TMEM141: variants seen among roughly 807,000 people sequenced by gnomAD.
TMEM141 encodes the protein transmembrane protein 141.
Under a neutral mutation model 15.9 loss-of-function variants are expected in TMEM141, and 18 were observed. The ratio of observed to expected loss-of-function variants is 1.13; its 90% confidence interval spans 0.78 to 1.68. The LOEUF (loss-of-function observed/expected upper bound fraction) is 1.68. TMEM141 is among the 40% of genes most tolerant of loss of function. TMEM141 has a pLI of 0.00. For synonymous variants in TMEM141, 69 were observed against 54.0 expected, an observed-to-expected ratio of 1.28 and a Z score of -1.22; for missense variants, 161 against 139.5, an observed-to-expected ratio of 1.15 and a Z score of -0.78.
rs763909031 is a variant in TMEM141 at position 136,792,286 on chromosome 9, G to C, written c.241G>C (p.Val81Leu). Reference sequence around the variant, plus strand: ...TGTGGTCAGCTACGGGGTGACGAGAGTGGAGTCGGAGAAATGCAACAACCT... The same window carrying C: ...TGTGGTCAGCTACGGGGTGACGAGACTGGAGTCGGAGAAATGCAACAACCT... ...GSVVSYGVTR[V>L]ESEKCNNLWL... Residue 81 changes from valine (V) to leucine (L), a missense_variant, in exon 4 of 5, where the codon GTG (valine) becomes CTG (leucine). Transcript: ENST00000290079. 1 of 1,589,614 alleles carries C rather than the reference G, an allele frequency of 6.3e-7. No individual in the cohort carries two copies. Among genetic ancestry groups the C allele is most frequent in the Non-Finnish European group, 8.6e-7 (1 of 1,167,558 alleles).
chr9:136,791,635 G>GT, intron 1 of TMEM141, 76 bp from the exon 2 acceptor site: 2 of 1,592,158 alleles, frequency 1.3e-6, no homozygotes, highest in South Asian at 2.3e-5. Flanking sequence ...GCCAGGGTGT[G>GT]CCCAGAGGAG....
chr9:136,792,565 A>T (rs537202626), intron 4 of TMEM141, among the ~76,000 whole-genome samples: 1 of 152,302 alleles, frequency 6.6e-6, no homozygotes, highest in East Asian at 1.9e-4. Flanking sequence ...GAGGAGAAAG[A>T]ACCAAGAGGG....
chr9:136,791,839 T>C, intron 2 of TMEM141, 62 bp downstream of exon 2: 2 of 1,605,282 alleles, frequency 1.2e-6, no homozygotes. Flanking sequence ...CTGCCCTGAC[T>C]CCCCAGCAGG....
In TMEM141 at chr9:136,793,001, C is replaced by T. The variant is rs1847606577; in HGVS notation, c.*169C>T. 2.2e-6 allele frequency: 2 copies of T among 909,488 alleles called. No homozygotes were observed. Among genetic ancestry groups the T allele is most frequent in the Non-Finnish European group, 1.4e-6 (1 of 706,252 alleles). 56.3% of individuals were successfully genotyped at this position (909,488 alleles called of 1,614,324 possible). On this transcript the variant is annotated 3_prime_UTR_variant, in exon 5 of 5. Coordinates refer to ENST00000290079, the MANE Select transcript of TMEM141 (RefSeq NM_032928.4). ...CAAACACCTGCAGATGGCTGCTGCC[C>T]CAACCTGGGACCTGCCCAGGAGGTT...
In TMEM141 at chr9:136,791,418, G is replaced by A. The variant is rs752228450; in HGVS notation, c.48G>A (p.Lys16=). 2.3e-5 allele frequency: 36 copies of A among 1,558,140 alleles called. No homozygotes were observed. The highest frequency in any genetic ancestry group is 1.7e-4 in the Middle Eastern group (1 of 6,022). Residue 16 remains lysine, a synonymous_variant, in exon 1 of 5, where the codon AAG becomes AAA. Transcript: ENST00000290079. ...GGGTGGACGACGCCGTGGCTGCCAA[G>A]CACCCGGTGAGAAGGCCGGTCTGGG... ...LSRVDDAVAA[K]HPGLGEYAAC...
At chr9:136,792,788 G>A in intron 4 of TMEM141, 31 bp from the exon 5 acceptor site, 4 of 1,528,704 alleles carry the variant, frequency 2.6e-6, no homozygotes, top group Non-Finnish European at 3.5e-6. Context: ...GATGGATGTG[G>A]TTCGAGCTTG....
At chr9:136,792,226 C>G in intron 3 of TMEM141, 25 bp from the exon 4 acceptor site, 1 of 1,545,062 alleles carries the variant, frequency 6.5e-7, no homozygotes, top group East Asian at 2.4e-5. Context: ...GAGGCCCCAG[C>G]CCTCTTCCAT....
chr9:136,791,386 C>G lies in TMEM141; in HGVS notation c.16C>G (p.Leu6Val). Residue 6 changes from leucine (L) to valine (V), a missense_variant, in exon 1 of 5, where the codon CTG (leucine) becomes GTG (valine). Physicochemically the swap from Leu to Val is conservative, Grantham distance 32. Transcript: ENST00000290079. ...CCTGCCAACCATGGTGAACTTGGGT[C>G]TGTCCCGGGTGGACGACGCCGTGGC... Reference protein sequence around the residue: MVNLGLSRVDDAVAAK... With the variant: MVNLGVSRVDDAVAAK... 6.4e-7 allele frequency: 1 copy of G among 1,561,586 alleles called. No individual in the cohort carries two copies. The highest frequency in any genetic ancestry group is 8.7e-7 in the Non-Finnish European group (1 of 1,153,264).
Position 136,792,233 on chromosome 9 carries a change from C to A in TMEM141, c.206-18C>A. On this transcript the variant is annotated intron_variant, in intron 3 of 4. Transcript: ENST00000290079. ...GAAGCACAGAGGCCCCAGCCCTCTTCCATTTCCTGCTCCACAGTTGCAGGC... is the reference window on the plus strand; with the variant it reads ...GAAGCACAGAGGCCCCAGCCCTCTTACATTTCCTGCTCCACAGTTGCAGGC... 1 of 1,563,768 alleles carries A rather than the reference C, an allele frequency of 6.4e-7. No individual in the cohort carries two copies. The highest frequency in any genetic ancestry group is 8.7e-7 in the Non-Finnish European group (1 of 1,152,880).
intron 4 of TMEM141, 127 bp downstream of exon 4, chr9:136,792,485 C>T (rs1433757212): frequency 2.6e-5 from 20 of 759,938 alleles, no homozygotes; most frequent in Non-Finnish European, 4.3e-5. Context: ...CCGGCCTCCT[C>T]AGCATGTGAC....
At position 136,791,416 on chromosome 9, in the gene TMEM141, A is replaced by G. The variant is rs779346393; in HGVS notation, c.46A>G (p.Lys16Glu). 1.3e-6 allele frequency: 2 copies of G among 1,558,540 alleles called. No individual in the cohort carries two copies. The highest frequency in any genetic ancestry group is 2.4e-5 in the South Asian group (2 of 85,002). The change falls in exon 1 of 5, where the codon AAG becomes GAG. Residue 16 changes from lysine (K) to glutamate (E), a missense_variant. Transcript: ENST00000290079. Reference sequence around the variant, plus strand: ...CCGGGTGGACGACGCCGTGGCTGCCAAGCACCCGGTGAGAAGGCCGGTCTG... The same window carrying G: ...CCGGGTGGACGACGCCGTGGCTGCCGAGCACCCGGTGAGAAGGCCGGTCTG... Reference protein sequence around the residue: ...LSRVDDAVAAKHPGLGEYAAC... With the variant: ...LSRVDDAVAAEHPGLGEYAAC...
At position 136,792,936 on chromosome 9, in the gene TMEM141, C is replaced by T. The variant is rs1433554978; in HGVS notation, c.*104C>T. On this transcript the variant is annotated 3_prime_UTR_variant, in exon 5 of 5. Coordinates refer to ENST00000290079, the MANE Select transcript of TMEM141 (RefSeq NM_032928.4). Reference sequence around the variant, plus strand: ...CGACCCTCCCCACACCCTAGGGTACCCCAGTCGTATCCTCTGTCCGCATGT... The same window carrying T: ...CGACCCTCCCCACACCCTAGGGTACTCCAGTCGTATCCTCTGTCCGCATGT... 1 of 1,373,212 alleles carries T rather than the reference C, an allele frequency of 7.3e-7. No homozygotes were observed. Among genetic ancestry groups the T allele is most frequent in the Non-Finnish European group, 9.5e-7 (1 of 1,055,494 alleles). The allele number at this position is 1,373,212 out of a possible 1,614,324, so 85.1% of individuals were successfully genotyped here.
chr9:136,792,713 C>T (rs1847603507), intron 4 of TMEM141, 106 bp from the exon 5 acceptor site: 1 of 872,664 alleles, frequency 1.1e-6, no homozygotes, highest in South Asian at 1.7e-5. Context: ...CCTCCACTGC[C>T]CGTTGTCCTT....
chr9:136,791,383 G>A lies in TMEM141; in HGVS notation c.13G>A (p.Gly5Ser). 1 of 1,561,478 alleles carries A rather than the reference G, an allele frequency of 6.4e-7. No homozygotes were observed. The highest frequency in any genetic ancestry group is 8.7e-7 in the Non-Finnish European group (1 of 1,153,182). The change falls in exon 1 of 5, where the codon GGT becomes AGT. Residue 5 changes from glycine to serine, a missense_variant. Coordinates refer to ENST00000290079, the MANE Select transcript of TMEM141 (RefSeq NM_032928.4). MVNL[G>S]LSRVDDAVAA... The stretch of plus-strand genomic sequence containing the variant: ...AGCCCTGCCAACCATGGTGAACTTG[G>A]GTCTGTCCCGGGTGGACGACGCCGT...
chr9:136,792,282 G>T lies in TMEM141; in HGVS notation c.237G>T (p.Thr79=). The change falls in exon 4 of 5, where the codon ACG becomes ACT. Residue 79 remains threonine, a synonymous_variant. Transcript: ENST00000290079. ...VAGSVVSYGV[T]RVESEKCNNL... is the part of the protein sequence containing the mutation. ...GCTCTGTGGTCAGCTACGGGGTGAC[G>T]AGAGTGGAGTCGGAGAAATGCAACA... The T allele has an allele frequency of 6.3e-7, 1 of 1,588,648 alleles. No individual in the cohort carries two copies. Among genetic ancestry groups the T allele is most frequent in the Non-Finnish European group, 8.6e-7 (1 of 1,167,022 alleles).
Position 136,792,049 on chromosome 9 carries a change from CT to C in TMEM141, c.205+20del. On this transcript the variant is annotated intron_variant, in intron 3 of 4. Coordinates refer to ENST00000290079, the MANE Select transcript of TMEM141 (RefSeq NM_032928.4). The stretch of plus-strand genomic sequence containing the variant: ...GCCGTGGGTGGGTACTCCAGGGCCC[CT>C]GCCTGGGCTCTTTGAGGGGTGGGTT... 9.3e-6 allele frequency: 15 copies of C among 1,613,110 alleles called. No individual in the cohort carries two copies. Among genetic ancestry groups the C allele is most frequent in the Non-Finnish European group, 1.3e-5 (15 of 1,179,466 alleles).
intron 1 of TMEM141, 108 bp downstream of exon 1, chr9:136,791,532 T>G (rs935573748): frequency 7.1e-6 from 11 of 1,547,156 alleles, no homozygotes; most frequent in Middle Eastern, 1.8e-4. Flanking sequence ...TGGCGGAGGC[T>G]GGGGGCACTC....
intron 2 of TMEM141, 24 bp downstream of exon 2, chr9:136,791,801 C>G: frequency 6.2e-7 from 1 of 1,611,076 alleles, no homozygotes; most frequent in Non-Finnish European, 8.5e-7. Context: ...AGGTGTCCTG[C>G]GGCTGGGAGA....
intron 1 of TMEM141, 97 bp from the exon 2 acceptor site, chr9:136,791,613 CA>C: frequency 6.3e-7 from 1 of 1,575,036 alleles, no homozygotes; most frequent in Non-Finnish European, 8.6e-7. Context: ...CCCAGGGTCT[CA>C]CTCCTCCACA....
Sources: allele counts gnomAD v4.1 joint callset (sites outside exome capture counted in the v4.1 genomes callset), GRCh38; gene constraint gnomAD v4.1.1; transcripts MANE v1.5; gene names NCBI Gene and HGNC (gene_info 2026-07-23, HGNC 2026-07-21).